TBC1D19: variants seen among roughly 807,000 people sequenced by gnomAD.
TBC1D19 encodes TBC1 domain family member 19.
In TBC1D19, 60 loss-of-function variants were observed where a neutral mutation model predicts 89.0. The observed-to-expected ratio is 0.67, with a 90% CI of 0.55 to 0.84. The LOEUF (loss-of-function observed/expected upper bound fraction) is 0.84, where lower values mean the gene tolerates loss of function less well. TBC1D19 is among the 40% of genes least tolerant of loss of function. The probability of loss-of-function intolerance (pLI) is 0.00; values close to 1 mark genes in which losing one functional copy is unlikely to be tolerated. For missense variants in TBC1D19, 500 were observed against 610.8 expected (o/e 0.82, Z 1.91); for synonymous variants, 189 against 199.7 (o/e 0.95, Z 0.45).
intron 1 of TBC1D19, among the ~76,000 whole-genome samples, chr4:26,607,687 T>A (rs1741098905): frequency 6.6e-6 from 1 of 152,234 alleles, no homozygotes. Context: ...CAACACTCTT[T>A]CAGATGCACT....
In TBC1D19 at chr4:26,599,469, T is replaced by C. The variant is rs183866641; in HGVS notation, c.100-13700T>C. On this transcript the variant is annotated intron_variant, in intron 1 of 20. Coordinates refer to ENST00000264866, the MANE Select transcript of TBC1D19 (RefSeq NM_018317.4). ...ACACAGAATATTTCACAGCCAAATA[T>C]AAGTGATTTTTAGATTTCCCCACCC... 5.3e-5 allele frequency among the ~76,000 whole-genome samples: 8 copies of C among 152,298 alleles called. No homozygotes were observed. In the East Asian group the frequency reaches 1.5e-3, roughly 29 times the overall value.
the TBC1D19 span, among the ~76,000 whole-genome samples, chr4:26,846,995 A>G: frequency 6.6e-6 from 1 of 152,172 alleles, no homozygotes. Flanking sequence ...CTCTCTACTC[A>G]GTAACCTGCC....
At chr4:26,614,476 C>A (rs780099075) in intron 3 of TBC1D19, 23 bp downstream of exon 3, 2 of 1,563,118 alleles carry the variant, frequency 1.3e-6, no homozygotes, top group South Asian at 1.2e-5. Context: ...ACCTATTTTA[C>A]AATAGTATTT....
chr4:26,579,653 C>T (rs186280118), upstream of TBC1D19, among the ~76,000 whole-genome samples: 114 of 151,936 alleles, frequency 7.5e-4, no homozygotes, highest in Non-Finnish European at 1.4e-3. Context: ...AATGCTCTCC[C>T]TCCCCTAACC....
intron 13 of TBC1D19, among the ~76,000 whole-genome samples, chr4:26,691,606 G>A (rs1249126180): frequency 6.6e-6 from 1 of 152,076 alleles, no homozygotes; most frequent in East Asian, 1.9e-4. Flanking sequence ...TAGCAAGAAA[G>A]TATTTTTAAT....
chr4:26,849,470 C>T, the TBC1D19 span, among the ~76,000 whole-genome samples: 501 of 152,186 alleles, frequency 3.3e-3, 2 homozygotes, highest in African/African-American at 0.012. Context: ...CTGTTATTTC[C>T]TCTAAGAAAT....
rs1719228337 is a variant in TBC1D19, at chr4:26,755,695, T to C, written c.*748T>C. 6.6e-6 allele frequency among the ~76,000 whole-genome samples: 1 copy of C among 152,188 alleles called. No individual in the cohort carries two copies. Among genetic ancestry groups the C allele is most frequent in the African/African-American group, 2.4e-5 (1 of 41,450 alleles). On this transcript the variant is annotated 3_prime_UTR_variant, in exon 21 of 21. Coordinates refer to ENST00000264866, the MANE Select transcript of TBC1D19 (RefSeq NM_018317.4). ...TGCCGATGCTTGTTGCCAGCTTCTGTTACTTTGTAACTATACAAGGAAGAC... is the reference window on the plus strand; with the variant it reads ...TGCCGATGCTTGTTGCCAGCTTCTGCTACTTTGTAACTATACAAGGAAGAC...
At chr4:26,856,208 T>C in the TBC1D19 span, among the ~76,000 whole-genome samples, 4 of 152,310 alleles carry the variant, frequency 2.6e-5, no homozygotes, top group Non-Finnish European at 1.5e-5. Flanking sequence ...AGATTCCACA[T>C]ATGTGGGGTC....
chr4:26,629,049 G>A (rs143589332), intron 4 of TBC1D19, among the ~76,000 whole-genome samples: 183 of 151,906 alleles, frequency 1.2e-3, no homozygotes, highest in African/African-American at 4.1e-3. Context: ...TTCTCACACC[G>A]TTCTTCCCCA....
At chr4:26,769,559 T>TG in the TBC1D19 span, among the ~76,000 whole-genome samples, 1 of 151,886 alleles carries the variant, frequency 6.6e-6, no homozygotes, top group Non-Finnish European at 1.5e-5. Context: ...TTTTTTTTTT[T>TG]TGAGACAGGG....
chr4:26,671,480 T>TA (rs1712297387), intron 9 of TBC1D19, among the ~76,000 whole-genome samples: 1 of 151,872 alleles, frequency 6.6e-6, no homozygotes, highest in African/African-American at 2.4e-5. Flanking sequence ...CTGTGTTACT[T>TA]ACATTTTCGC....
At chr4:26,640,460 A>G (rs1422476129) in intron 7 of TBC1D19, among the ~76,000 whole-genome samples, 1 of 151,786 alleles carries the variant, frequency 6.6e-6, no homozygotes, top group Non-Finnish European at 1.5e-5. Flanking sequence ...GAATACGAAC[A>G]GGCCCAGTCT....
chr4:26,847,937 G>A, the TBC1D19 span, among the ~76,000 whole-genome samples: 64 of 152,206 alleles, frequency 4.2e-4, no homozygotes, highest in Non-Finnish European at 7.2e-4. Flanking sequence ...AAAATATCAG[G>A]AGCATGGTTT....
intron 4 of TBC1D19, among the ~76,000 whole-genome samples, chr4:26,628,147 C>T (rs1742554093): frequency 1.3e-5 from 2 of 152,094 alleles, no homozygotes; most frequent in African/African-American, 2.4e-5. Context: ...ATAGGGAATC[C>T]TTTCCCCATT....
chr4:26,731,890 A>T (rs1717683089), intron 15 of TBC1D19, among the ~76,000 whole-genome samples: 1 of 152,152 alleles, frequency 6.6e-6, no homozygotes. Context: ...GATTTTGAGG[A>T]TACATAATAA....
chr4:26,786,899 G>A, the TBC1D19 span, among the ~76,000 whole-genome samples: 1 of 152,128 alleles, frequency 6.6e-6, no homozygotes. Flanking sequence ...CAGTATCTTT[G>A]AAGTCAATTA....
At chr4:26,689,812 CA>C (rs1278420229) in intron 13 of TBC1D19, among the ~76,000 whole-genome samples, 4 of 152,106 alleles carry the variant, frequency 2.6e-5, no homozygotes, top group African/African-American at 9.7e-5. Context: ...CACTGAGACA[CA>C]ACAATATAGA....
At chr4:26,636,140 G>GAGTAATAA (rs1159424202) in intron 4 of TBC1D19, among the ~76,000 whole-genome samples, 3 of 151,906 alleles carry the variant, frequency 2.0e-5, no homozygotes, top group African/African-American at 7.3e-5. Context: ...TGTTCTTTAT[G>GAGTAATAA]AGTAATATAC....
chr4:26,711,022 C>G (rs557994187), intron 13 of TBC1D19, among the ~76,000 whole-genome samples: 17 of 152,234 alleles, frequency 1.1e-4, no homozygotes, highest in African/African-American at 3.9e-4. Flanking sequence ...TGCAGAAGCT[C>G]TTTAGTTTAA....
Sources: gnomAD v4.1 joint callset for allele counts (sites outside exome capture counted in the v4.1 genomes callset) on GRCh38, gnomAD v4.1.1 for gene constraint, MANE v1.5 for transcripts, NCBI Gene and HGNC (gene_info 2026-07-23, HGNC 2026-07-21) for gene names.